The following CASP1 variants were observed in gnomAD, a reference collection of about 807,000 sequenced individuals.
CASP1 encodes the protein caspase 1.
In CASP1, 31 loss-of-function variants were observed where a neutral mutation model predicts 41.2. The observed-to-expected ratio is 0.75, with a 90% CI of 0.57 to 1.02. CASP1 has a LOEUF of 1.02. CASP1 is among the 50% of genes least tolerant of loss of function. CASP1 has a pLI of 0.00. For synonymous variants in CASP1, 163 were observed against 166.5 expected (o/e 0.98, Z 0.16); for missense variants, 490 against 495.7 (o/e 0.99, Z 0.11).
chr11:105,029,641 G>A, intron 6 of CASP1, 24 bp downstream of exon 6: 1 of 1,531,450 alleles, frequency 6.5e-7, no homozygotes. Context: ...ATTGTCTGGT[G>A]TTCTCAAAGG....
intron 8 of CASP1, 101 bp downstream of exon 8, chr11:105,026,741 A>G (rs1863316171): frequency 1.4e-6 from 1 of 728,012 alleles, no homozygotes; most frequent in African/African-American, 1.8e-5. Context: ...GAAGAGCATT[A>G]TTGGAAGATA....
Position 105,030,421 on chromosome 11 carries a change from C to A in CASP1, c.536G>T (p.Arg179Ile), listed in dbSNP as rs1316919893. 6.2e-7 allele frequency: 1 copy of A among 1,613,602 alleles called. No individual in the cohort carries two copies. The highest frequency in any genetic ancestry group is 2.2e-5 in the East Asian group (1 of 44,876). The change falls in exon 5 of 9, where the codon AGA becomes ATA. Residue 179 changes from arginine (R) to isoleucine (I), a missense_variant. Arg to Ile is a moderately conservative substitution (Grantham distance 97). Transcript: ENST00000533400. ...TGTGATGTCAACCTCAGCTCCAGTT[C>A]TTCTAGGAATACTGTCAAATTCTTC... is the stretch of plus-strand genomic sequence containing the variant. Reference protein sequence around the residue: ...CNEEFDSIPRRTGAEVDITGM... With the variant: ...CNEEFDSIPRITGAEVDITGM...
intron 1 of CASP1, 49 bp from the exon 2 acceptor site, chr11:105,034,523 C>T: frequency 7.5e-6 from 12 of 1,608,750 alleles, no homozygotes; most frequent in Non-Finnish European, 9.3e-6. Context: ...GCCTCATATT[C>T]CTCTCATGTA....
upstream of CASP1, among the ~76,000 whole-genome samples, chr11:105,036,588 C>T (rs1321920332): frequency 1.3e-5 from 2 of 152,174 alleles, no homozygotes; most frequent in East Asian, 1.9e-4. Context: ...TTCCTCTGCT[C>T]ATACCCTCTT....
chr11:105,025,621 TAAA>T lies in CASP1; in HGVS notation c.*634_*636del. ...ACTTCCTATGAGAAAAAGAAATAAT[TAAA>T]AAAAAAAACATAGGAAAGAATTTTG... On this transcript the variant is annotated 3_prime_UTR_variant, in exon 9 of 9. Transcript: ENST00000533400. 1 of 342,154 alleles carries T rather than the reference TAAA, an allele frequency of 2.9e-6. No homozygotes were observed. Among genetic ancestry groups the T allele is most frequent in the Non-Finnish European group, 5.7e-6 (1 of 175,570 alleles). 21.2% of individuals were successfully genotyped at this position (342,154 alleles called of 1,614,324 possible).
chr11:105,025,452 A>T (rs1863204199), downstream of CASP1: 1 of 363,546 alleles, frequency 2.8e-6, no homozygotes, highest in Non-Finnish European at 5.3e-6. Flanking sequence ...TAAATTCCTT[A>T]GTCACTCTAA....
rs1201265581 is a variant in CASP1 at position 105,029,686 on chromosome 11, T to C, written c.841A>G (p.Ile281Val). ...PSLKDKPKVI[I>V]IQACRGDSPG... ...TCACCACCACGGCAGGCCTGGATGA[T>C]GATCACCTTCGGTTTGTCCTTCAAA... The change falls in exon 6 of 9, where the codon ATC becomes GTC. Residue 281 changes from isoleucine to valine, a missense_variant. Ile to Val is a conservative substitution (Grantham distance 29). Coordinates refer to ENST00000533400, the MANE Select transcript of CASP1 (RefSeq NM_001257118.3). 5.6e-6 allele frequency: 9 copies of C among 1,613,308 alleles called. 1 individual carries two copies. The highest frequency in any genetic ancestry group is 4.5e-5 in the East Asian group (2 of 44,870).
At chr11:105,026,571 A>G in intron 8 of CASP1, 1 of 600,934 alleles carries the variant, frequency 1.7e-6, no homozygotes, top group South Asian at 2.1e-5. Flanking sequence ...TCTAATAGCC[A>G]TGAGAGACAC....
At chr11:105,035,399 A>T (rs1863960791), upstream of CASP1, 2 of 456,736 alleles carry the variant, frequency 4.4e-6, no homozygotes. Context: ...CACAGTGAAG[A>T]GTTTCTCAAT....
At chr11:105,031,347 C>A in intron 3 of CASP1, 67 bp from the exon 4 acceptor site, 2 of 875,342 alleles carry the variant, frequency 2.3e-6, no homozygotes, top group East Asian at 2.5e-5. Context: ...TTTGTTACAG[C>A]CTCACCTATG....
In CASP1 at chr11:105,026,923, C is replaced by G. The variant is rs746983898; in HGVS notation, c.1035G>C (p.Met345Ile). The G allele has an allele frequency of 1.2e-6, 2 of 1,602,878 alleles. No homozygotes were observed. Among genetic ancestry groups the G allele is most frequent in the South Asian group, 2.2e-5 (2 of 90,834 alleles). ...TGAGTCTTCCAATAAAAACAGAGCC[C>G]ATTGTGGGATGTCTCCAAGAAACAT... is the stretch of plus-strand genomic sequence containing the variant. ...PDNVSWRHPT[M>I]GSVFIGRLIE... The change falls in exon 8 of 9, where the codon ATG becomes ATC. Residue 345 changes from methionine to isoleucine, a missense_variant. By Grantham distance (10) the Met-to-Ile change is conservative. Transcript: ENST00000533400.
Position 105,026,082 on chromosome 11 carries a change from C to T in CASP1, c.*176G>A. The T allele has an allele frequency of 2.0e-6, 1 of 490,872 alleles. No individual in the cohort carries two copies. The highest frequency in any genetic ancestry group is 3.6e-6 in the Non-Finnish European group (1 of 275,644). 30.4% of individuals were successfully genotyped at this position (490,872 alleles called of 1,614,324 possible). On this transcript the variant is annotated 3_prime_UTR_variant, in exon 9 of 9. Transcript: ENST00000533400. ...TTCCTTTGAATATCATGTGGGCGCT[C>T]ACACAGTGTTGGATTTTAGAGCATT...
intron 7 of CASP1, 123 bp downstream of exon 7, chr11:105,029,001 C>G: frequency 1.2e-6 from 1 of 827,520 alleles, no homozygotes. Flanking sequence ...AAAGGGAATT[C>G]TGTGTATAAC....
At chr11:105,029,992 A>C (rs1057364086) in intron 5 of CASP1, 93 bp from the exon 6 acceptor site, 14 of 1,009,884 alleles carry the variant, frequency 1.4e-5, no homozygotes, top group Middle Eastern at 2.2e-4. Context: ...GAGTTTCTTA[A>C]GGAATTCCGT....
At chr11:105,027,324 C>G (rs181610475) in intron 7 of CASP1, among the ~76,000 whole-genome samples, 5 of 152,112 alleles carry the variant, frequency 3.3e-5, no homozygotes, top group African/African-American at 1.2e-4. Context: ...ATCAAATTCT[C>G]AATTTATGTA....
intron 3 of CASP1, 115 bp downstream of exon 3, chr11:105,032,949 A>G: frequency 1.5e-6 from 1 of 663,426 alleles, no homozygotes; most frequent in Non-Finnish European, 2.7e-6. Flanking sequence ...AAAGAAAATT[A>G]TATGACCAAT....
At chr11:105,033,239 C>T (rs1863804665) in intron 2 of CASP1, 113 bp from the exon 3 acceptor site, 1 of 610,258 alleles carries the variant, frequency 1.6e-6, no homozygotes, top group East Asian at 2.9e-5. Context: ...GACTGACTGA[C>T]TGACATTAAA....
At chr11:105,036,398 G>A (rs1172503366), upstream of CASP1, among the ~76,000 whole-genome samples, 2 of 152,110 alleles carry the variant, frequency 1.3e-5, no homozygotes, top group African/African-American at 2.4e-5. Flanking sequence ...CAAACATGAA[G>A]GCTGGTGATA....
intron 4 of CASP1, 59 bp from the exon 5 acceptor site, chr11:105,030,562 C>A: frequency 6.7e-7 from 1 of 1,483,172 alleles, no homozygotes; most frequent in South Asian, 1.2e-5. Context: ...TATTTCCCTT[C>A]CTGGTTTATG....
Sources: allele counts gnomAD v4.1 joint callset (sites outside exome capture counted in the v4.1 genomes callset), GRCh38; gene constraint gnomAD v4.1.1; transcripts MANE v1.5; gene names NCBI Gene and HGNC (gene_info 2026-07-23, HGNC 2026-07-21).